The following EPHA10 variants were observed in gnomAD, a reference collection of about 807,000 sequenced individuals.
EPHA10 encodes the protein ephrin type-A receptor 10.
In EPHA10, 120 loss-of-function variants were observed where a neutral mutation model predicts 109.7. That is an observed-to-expected ratio of 1.09 (90% CI 0.94 to 1.27). The LOEUF is 1.27. EPHA10 is among the 50% of genes most tolerant of loss of function. EPHA10 has a pLI of 0.00. For synonymous variants in EPHA10, 640 were observed against 618.9 expected, an observed-to-expected ratio of 1.03 and a Z score of -0.51; for missense variants, 1,396 against 1,411.1, an observed-to-expected ratio of 0.99 and a Z score of 0.17.
chr1:37,718,197 A>G lies in EPHA10; in HGVS notation c.*175T>C, dbSNP rs1645721507. ...TAGCCAAGGCGTTCAGACTCGTGAA[A>G]ATGGGAGGGGCAGGCAGTGAAAGCG... On this transcript the variant is annotated 3_prime_UTR_variant, in exon 17 of 17. Coordinates refer to ENST00000373048, the MANE Select transcript of EPHA10 (RefSeq NM_001099439.2). 3.2e-6 allele frequency: 2 copies of G among 619,762 alleles called. No individual in the cohort carries two copies. The highest frequency in any genetic ancestry group is 6.1e-5 in the Admixed American group (2 of 32,884). The allele number at this position is 619,762 out of a possible 1,614,324, so 38.4% of individuals were successfully genotyped here.
chr1:37,728,902 C>T (rs576132769), intron 7 of EPHA10, among the ~76,000 whole-genome samples: 5 of 152,220 alleles, frequency 3.3e-5, no homozygotes, highest in Middle Eastern at 3.4e-3. Context: ...GACACAGAAA[C>T]GGAGAAAGAT....
intron 7 of EPHA10, 80 bp from the exon 8 acceptor site, chr1:37,727,290 C>A: frequency 8.7e-7 from 1 of 1,151,736 alleles, no homozygotes. Flanking sequence ...CTGTCCTCAC[C>A]CTGTAGCAGG....
Position 37,720,336 on chromosome 1 carries a change from T to TG in EPHA10, c.2412+14dup, listed in dbSNP as rs1645768523. 3.2e-6 allele frequency: 5 copies of TG among 1,585,362 alleles called. No individual in the cohort carries two copies. The highest frequency in any genetic ancestry group is 2.7e-5 in the African/African-American group (2 of 74,434). On this transcript the variant is annotated intron_variant, in intron 13 of 16. Transcript: ENST00000373048. The stretch of plus-strand genomic sequence containing the variant: ...ACCAGAAGGCACAGGCAGGCTTGGC[T>TG]GGGGGCGCCCTCACCATAGTGGTGT...
chr1:37,760,383 C>G (rs1646420798), intron 3 of EPHA10: 1 of 1,054,292 alleles, frequency 9.5e-7, no homozygotes, highest in African/African-American at 1.7e-5. Flanking sequence ...AGGTCTGTTC[C>G]TAATGCCCCC....
intron 8 of EPHA10, 122 bp from the exon 9 acceptor site, chr1:37,723,494 A>C: frequency 9.1e-7 from 1 of 1,095,028 alleles, no homozygotes; most frequent in Non-Finnish European, 1.3e-6. Flanking sequence ...GGGGGAGGGA[A>C]CTTCTTGTCC....
chr1:37,717,829 GC>G lies in EPHA10; in HGVS notation c.*542del, dbSNP rs1399541668. ...CTGAGCCTTGGCCAGTGTCCAGTCA[GC>G]CCCTGCCAAGGCACAGGGAGCTGAG... On this transcript the variant is annotated 3_prime_UTR_variant, in exon 17 of 17. Transcript: ENST00000373048. The G allele has an allele frequency of 1.7e-5, 4 of 235,014 alleles. No individual in the cohort carries two copies. Among genetic ancestry groups the G allele is most frequent in the Non-Finnish European group, 2.5e-5 (3 of 119,136 alleles). The allele number at this position is 235,014 out of a possible 1,614,324, so 14.6% of individuals were successfully genotyped here. A position where few individuals can be genotyped will look rare whatever the true frequency, so the allele number is the denominator to read the frequency against.
chr1:37,749,125 T>C (rs1646284988), intron 5 of EPHA10, among the ~76,000 whole-genome samples: 1 of 151,228 alleles, frequency 6.6e-6, no homozygotes, highest in African/African-American at 2.4e-5. Context: ...GGTTTCACCA[T>C]GTTGGCCAGG....
chr1:37,732,422 G>A (rs933423131), intron 6 of EPHA10, among the ~76,000 whole-genome samples: 1 of 152,080 alleles, frequency 6.6e-6, no homozygotes. Context: ...CTTATTAGAG[G>A]CCCTGCCATA....
At position 37,716,766 on chromosome 1, in the gene EPHA10, C is replaced by T. The variant is rs879611097; in HGVS notation, c.*1606G>A. ...TTGCCTGCCGAAAACTCCACCCACC[C>T]CAAGGAAAGAACCTTCCCTTTCCCA... On this transcript the variant is annotated 3_prime_UTR_variant, in exon 17 of 17. Coordinates refer to ENST00000373048, the MANE Select transcript of EPHA10 (RefSeq NM_001099439.2). 56 of 232,990 alleles carry T rather than the reference C, an allele frequency of 2.4e-4. No individual in the cohort carries two copies. The highest frequency in any genetic ancestry group is 4.4e-4 in the Non-Finnish European group (52 of 117,986). 14.4% of individuals were successfully genotyped at this position (232,990 alleles called of 1,614,324 possible).
rs912093261 is a variant in EPHA10, at chr1:37,716,191, C to G, written c.*2181G>C. The G allele has an allele frequency of 2.7e-5, 10 of 373,844 alleles. No homozygotes were observed. Among genetic ancestry groups the G allele is most frequent in the Non-Finnish European group, 5.0e-5 (10 of 199,568 alleles). The allele number at this position is 373,844 out of a possible 1,614,324, so 23.2% of individuals were successfully genotyped here. On this transcript the variant is annotated 3_prime_UTR_variant, in exon 17 of 17. Coordinates refer to ENST00000373048, the MANE Select transcript of EPHA10 (RefSeq NM_001099439.2). ...GCCATCGCCCCACATCACATCTGTGCAGGGCTGAGGCCTGGGACCCAACAG... is the reference window on the plus strand; with the variant it reads ...GCCATCGCCCCACATCACATCTGTGGAGGGCTGAGGCCTGGGACCCAACAG...
Position 37,761,608 on chromosome 1 carries a change from C to G in EPHA10, c.647G>C (p.Arg216Pro). Residue 216 changes from arginine to proline, a missense_variant, in exon 3 of 17, where the codon CGG (arginine) becomes CCG (proline). Physicochemically the swap from Arg to Pro is moderately radical, Grantham distance 103 (BLOSUM62 -2). Transcript: ENST00000373048. ...GGTGGCTGGGAACGTGGCCAGGCCC[C>G]GCACGGTGGCGCGGCACTGCTTGTA... ...VYYKQCRATV[R>P]GLATFPATAA... The G allele has an allele frequency of 4.4e-6, 7 of 1,602,666 alleles. 1 individual carries two copies. The highest frequency in any genetic ancestry group is 2.2e-5 in the South Asian group (2 of 90,888).
chr1:37,740,279 C>CTTTTA (rs533385136), intron 5 of EPHA10, among the ~76,000 whole-genome samples: 1 of 151,568 alleles, frequency 6.6e-6, no homozygotes, highest in Non-Finnish European at 1.5e-5. Flanking sequence ...GGATTAGTTG[C>CTTTTA]TTTTATTTTA....
At position 37,754,447 on chromosome 1, in the gene EPHA10, C is replaced by A; in HGVS notation, c.851-77G>T. ...TTCCTGACTGGCCTGGTTAGGGCAG[C>A]GTTTATCTCCTCCAATTGCGATAGA... On this transcript the variant is annotated intron_variant, in intron 3 of 16. Coordinates refer to ENST00000373048, the MANE Select transcript of EPHA10 (RefSeq NM_001099439.2). The surrounding 1 kb of genome is among the most constrained non-coding windows in gnomAD (Gnocchi z 4.5). 2.5e-6 allele frequency: 3 copies of A among 1,216,946 alleles called. No homozygotes were observed. Among genetic ancestry groups the A allele is most frequent in the Non-Finnish European group, 3.1e-6 (3 of 965,674 alleles). 75.4% of individuals were successfully genotyped at this position (1,216,946 alleles called of 1,614,324 possible). A position where few individuals can be genotyped will look rare whatever the true frequency, so the allele number is the denominator to read the frequency against.
chr1:37,715,747 G>A (rs973206031), downstream of EPHA10: 5 of 384,028 alleles, frequency 1.3e-5, no homozygotes, highest in Admixed American at 7.4e-5. Context: ...CTGGGTAACA[G>A]ACTTCTCTAC....
At position 37,720,341 on chromosome 1, in the gene EPHA10, G is replaced by A. The variant is rs923154692; in HGVS notation, c.2412+10C>T. The A allele has an allele frequency of 1.3e-6, 2 of 1,589,476 alleles. No individual in the cohort carries two copies. Among genetic ancestry groups the A allele is most frequent in the Non-Finnish European group, 8.6e-7 (1 of 1,167,836 alleles). ...AAGGCACAGGCAGGCTTGGCTGGGG[G>A]CGCCCTCACCATAGTGGTGTAGACA... is the stretch of plus-strand genomic sequence containing the variant. On this transcript the variant is annotated intron_variant, in intron 13 of 16. Coordinates refer to ENST00000373048, the MANE Select transcript of EPHA10 (RefSeq NM_001099439.2).
intron 1 of EPHA10, 52 bp from the exon 2 acceptor site, chr1:37,762,901 A>C: frequency 6.7e-7 from 1 of 1,494,794 alleles, no homozygotes; most frequent in Non-Finnish European, 9.1e-7. Flanking sequence ...TCAGTTTAGC[A>C]AGAGAGTGGA....
In EPHA10 at chr1:37,764,842, G is replaced by T; in HGVS notation, c.106+119C>A. On this transcript the variant is annotated intron_variant, in intron 1 of 16. Transcript: ENST00000373048. This position sits in a 1 kb window ranked among gnomAD's most constrained non-coding sequence, Gnocchi z 5.8. The stretch of plus-strand genomic sequence containing the variant: ...CTCTCCAGTTCTTTGCTGCCTGCTT[G>T]CTTCAAGCCCCAATACAGACTCTAG... The T allele has an allele frequency of 1.2e-6, 1 of 802,922 alleles. No individual in the cohort carries two copies. The highest frequency in any genetic ancestry group is 1.9e-6 in the Non-Finnish European group (1 of 526,602). 49.7% of individuals were successfully genotyped at this position (802,922 alleles called of 1,614,324 possible). A position where few individuals can be genotyped will look rare whatever the true frequency, so the allele number is the denominator to read the frequency against.
intron 5 of EPHA10, among the ~76,000 whole-genome samples, chr1:37,737,626 C>T (rs1646089509): frequency 6.6e-6 from 1 of 152,146 alleles, no homozygotes; most frequent in African/African-American, 2.4e-5. Flanking sequence ...GGATTAAAGA[C>T]CTAAATGTAG....
rs778529641 is a variant in EPHA10, at chr1:37,764,922, G to T, written c.106+39C>A. 4 of 1,552,680 alleles carry T rather than the reference G, an allele frequency of 2.6e-6. No individual in the cohort carries two copies. In the Admixed American group the frequency reaches 5.8e-5, roughly 22 times the overall value. On this transcript the variant is annotated intron_variant, in intron 1 of 16. Coordinates refer to ENST00000373048, the MANE Select transcript of EPHA10 (RefSeq NM_001099439.2). The surrounding 1 kb of genome is among the most constrained non-coding windows in gnomAD (Gnocchi z 5.8). Reference sequence around the variant, plus strand: ...CCCATCGCCAGCCCCCTATCTTTTGGTATGCCACGCTCCGAGCAGAGCTCA... The same window carrying T: ...CCCATCGCCAGCCCCCTATCTTTTGTTATGCCACGCTCCGAGCAGAGCTCA...
Sources: gnomAD v4.1 joint callset for allele counts (sites outside exome capture counted in the v4.1 genomes callset) on GRCh38, gnomAD v4.1.1 for gene constraint, Gnocchi (gnomAD v3.1) non-coding constraint, MANE v1.5 for transcripts, NCBI Gene and HGNC (gene_info 2026-07-23, HGNC 2026-07-21) for gene names.